ABCA5: variants seen among roughly 807,000 people sequenced by gnomAD.
ABCA5 encodes the protein ATP binding cassette subfamily A member 5, also known as cholesterol transporter ABCA5.
In ABCA5, 163 loss-of-function variants were observed where a neutral mutation model predicts 206.0. That is an observed-to-expected ratio of 0.79 (90% CI 0.70 to 0.90). The LOEUF is 0.90. Ranked by LOEUF, ABCA5 falls within the 40% of genes least tolerant of loss-of-function variation. The pLI, the probability that ABCA5 is intolerant of heterozygous loss-of-function variation, is 0.00. For missense variants in ABCA5, 1,859 were observed against 1,912.9 expected, an observed-to-expected ratio of 0.97 and a Z score of 0.53; for synonymous variants, 609 against 613.8, an observed-to-expected ratio of 0.99 and a Z score of 0.11.
chr17:69,279,780 G>A (rs2075371990), intron 18 of ABCA5, among the ~76,000 whole-genome samples: 1 of 152,094 alleles, frequency 6.6e-6, no homozygotes, highest in Non-Finnish European at 1.5e-5. Context: ...CGAGCAATGG[G>A]GAAAGGATTC....
intron 10 of ABCA5, among the ~76,000 whole-genome samples, chr17:69,295,406 A>G (rs1003903751): frequency 3.3e-5 from 5 of 152,188 alleles, no homozygotes; most frequent in African/African-American, 1.2e-4. Flanking sequence ...GAACCCTGAG[A>G]CATTACTTTT....
chr17:69,302,617 A>T, intron 8 of ABCA5, 101 bp downstream of exon 8: 2 of 756,136 alleles, frequency 2.6e-6, no homozygotes, highest in Non-Finnish European at 3.7e-6. Flanking sequence ...ATTTTAAAAT[A>T]ATTTTTTTGG....
In ABCA5 at chr17:69,277,666, G is replaced by A. The variant is rs747667004; in HGVS notation, c.2569C>T (p.Arg857Cys). The change falls in exon 19 of 39, where the codon CGT (arginine) becomes TGT (cysteine). Residue 857 changes from arginine (R) to cysteine (C), a missense_variant. Coordinates refer to ENST00000392676, the MANE Select transcript of ABCA5 (RefSeq NM_172232.4). ...ACTGATCTCACTGATTTACTTTCAC[G>A]TTTCAAGGTAAAGAAATGAAACTTT... The part of the protein sequence containing the change: ...IAKFHFFTLK[R>C]ESKSVRSVLL... The A allele has an allele frequency of 9.9e-5, 159 of 1,610,394 alleles. No homozygotes were observed. Among genetic ancestry groups the A allele is most frequent in the South Asian group, 4.7e-4 (42 of 90,238 alleles).
In ABCA5 at chr17:69,286,019, A is replaced by G. The variant is rs774956254; in HGVS notation, c.2151T>C (p.Tyr717=). Residue 717 remains tyrosine, a synonymous_variant, in exon 17 of 39, where the codon TAT becomes TAC. Transcript: ENST00000392676. ...GTGAAGAAAGAGATTCTGTGGCACA[A>G]TATTTGTCTATGTACATGCTAGAGA... The part of the protein sequence containing the change: ...GYRLSMYIDK[Y]CATESLSSLV... The G allele has an allele frequency of 3.0e-5, 48 of 1,611,792 alleles. No individual in the cohort carries two copies. The highest frequency in any genetic ancestry group is 4.5e-5 in the East Asian group (2 of 44,770).
At chr17:69,251,676 T>A in intron 35 of ABCA5, 71 bp downstream of exon 35, 1 of 1,538,800 alleles carries the variant, frequency 6.5e-7, no homozygotes, top group Non-Finnish European at 8.7e-7. Flanking sequence ...TTGCCATGTT[T>A]TTGAAATGAT....
In ABCA5 at chr17:69,255,749, A is replaced by C. The variant is rs1375711136; in HGVS notation, c.3960T>G (p.Ser1320=). 2 of 1,591,882 alleles carry C rather than the reference A, an allele frequency of 1.3e-6. No individual in the cohort carries two copies. Among genetic ancestry groups the C allele is most frequent in the Non-Finnish European group, 1.7e-6 (2 of 1,174,030 alleles). ...KVKKVATKYI[S]FCVKKGEILG... is the part of the protein sequence containing the mutation. ...AATACCAGCCTTTTTTCACACAGAAAGAGATGTATTTAGTTGCCACTTTCT... is the reference window on the plus strand; with the variant it reads ...AATACCAGCCTTTTTTCACACAGAACGAGATGTATTTAGTTGCCACTTTCT... The change falls in exon 30 of 39, where the codon TCT becomes TCG. Residue 1320 remains serine (S), a synonymous_variant. Transcript: ENST00000392676.
rs1438014430 is a variant in ABCA5 at position 69,271,285 on chromosome 17, T to C, written c.2769A>G (p.Ser923=). 6.2e-7 allele frequency: 1 copy of C among 1,607,972 alleles called. No homozygotes were observed. The highest frequency in any genetic ancestry group is 1.3e-5 in the African/African-American group (1 of 74,728). Residue 923 remains serine, a synonymous_variant, in exon 21 of 39, where the codon TCA becomes TCG. Transcript: ENST00000392676. ...TSLLLQNSAD[S]DISDLISFFT... ...AAAAGCTAATAAGATCACTGATATC[T>C]GAGTCTGGTGTTAGAAAATAAGCAA...
chr17:69,254,542 G>C, intron 31 of ABCA5, 52 bp from the exon 32 acceptor site: 1 of 1,487,144 alleles, frequency 6.7e-7, no homozygotes, highest in Non-Finnish European at 9.2e-7. Flanking sequence ...ACACTGTGAA[G>C]GAAGTGGCAA....
chr17:69,299,263 T>C (rs1555583070), intron 9 of ABCA5, among the ~76,000 whole-genome samples: 1 of 152,148 alleles, frequency 6.6e-6, no homozygotes, highest in Non-Finnish European at 1.5e-5. Flanking sequence ...TGGAGATTCC[T>C]TAAAGAACTA....
At chr17:69,252,628 G>T (rs1421761330) in intron 34 of ABCA5, among the ~76,000 whole-genome samples, 1 of 152,012 alleles carries the variant, frequency 6.6e-6, no homozygotes, top group Non-Finnish European at 1.5e-5. Context: ...CTGAGGTCTG[G>T]AGTTCGGGAC....
intron 1 of ABCA5, among the ~76,000 whole-genome samples, chr17:69,316,461 T>C (rs1447550135): frequency 2.0e-5 from 3 of 148,764 alleles, no homozygotes; most frequent in Non-Finnish European, 3.0e-5. Flanking sequence ...CACCCCAACC[T>C]GGGTGACAAA....
intron 7 of ABCA5, among the ~76,000 whole-genome samples, chr17:69,303,733 T>C (rs1343575169): frequency 9.7e-6 from 1 of 103,530 alleles, no homozygotes; most frequent in Admixed American, 1.2e-4. Flanking sequence ...AAGACCAAAC[T>C]TGGACACTTA....
intron 1 of ABCA5, chr17:69,317,214 T>G (rs2075824534): frequency 6.6e-6 from 1 of 151,888 alleles, no homozygotes; most frequent in Admixed American, 6.6e-5. Context: ...TTGGCCAACA[T>G]GGCAAAACCC....
At chr17:69,272,982 T>C (rs962590557) in intron 20 of ABCA5, among the ~76,000 whole-genome samples, 4 of 152,208 alleles carry the variant, frequency 2.6e-5, no homozygotes, top group African/African-American at 7.2e-5. Flanking sequence ...TGCTACAGAA[T>C]AGGAGATGTT....
chr17:69,263,855 T>G (rs2364996), intron 24 of ABCA5, among the ~76,000 whole-genome samples: 4 of 151,610 alleles, frequency 2.6e-5, no homozygotes, highest in Admixed American at 6.6e-5. Flanking sequence ...TGCCACCACG[T>G]CCAGCTATTT....
At chr17:69,325,325 T>C (rs1379216325) in intron 1 of ABCA5, among the ~76,000 whole-genome samples, 8 of 151,060 alleles carry the variant, frequency 5.3e-5, no homozygotes, top group African/African-American at 1.9e-4. Flanking sequence ...AAAAAAATGC[T>C]AGTTGTCAAT....
chr17:69,273,823 T>C (rs1055944881), intron 20 of ABCA5, 136 bp downstream of exon 20: 3 of 821,160 alleles, frequency 3.7e-6, no homozygotes, highest in Admixed American at 3.3e-5. Context: ...AAGATACGTA[T>C]TGAACTATAA....
rs771136397 is a variant in ABCA5 at position 69,261,236 on chromosome 17, G to A, written c.3453C>T (p.Ile1151=). The change falls in exon 26 of 39, where the codon ATC becomes ATT. Residue 1151 remains isoleucine, a synonymous_variant. Transcript: ENST00000392676. ...ATCCCATAAAGAAAGTTATTTCAGT[G>A]ATTGCAATACAAGCCAACGCTGCCT... The part of the protein sequence containing the change: ...YSVAALACIA[I]TEITFFMGYT... 6.2e-7 allele frequency: 1 copy of A among 1,606,980 alleles called. No homozygotes were observed. The highest frequency in any genetic ancestry group is 1.3e-5 in the African/African-American group (1 of 74,812).
At position 69,270,688 on chromosome 17, in the gene ABCA5, A is replaced by G. The variant is rs780960582; in HGVS notation, c.2955T>C (p.Asn985=). Residue 985 remains asparagine, a synonymous_variant, in exon 22 of 39, where the codon AAT becomes AAC. Coordinates refer to ENST00000392676, the MANE Select transcript of ABCA5 (RefSeq NM_172232.4). ...TMVYSLPILV[N]IISNYYLYHL... is the part of the protein sequence containing the mutation. ...GATAAAGATAGTAGTTACTAATGAT[A>G]TTCACTAATATAGGTAAAGAATAAA... 1 of 1,602,196 alleles carries G rather than the reference A, an allele frequency of 6.2e-7. No individual in the cohort carries two copies.
Sources: allele counts gnomAD v4.1 joint callset (sites outside exome capture counted in the v4.1 genomes callset), GRCh38; gene constraint gnomAD v4.1.1; transcripts MANE v1.5; gene names NCBI Gene and HGNC (gene_info 2026-07-23, HGNC 2026-07-21).